MTDH: variants seen among roughly 807,000 people sequenced by gnomAD.
MTDH encodes metadherin.
In MTDH, 34 loss-of-function variants were observed where a neutral mutation model predicts 72.7. The observed-to-expected ratio is 0.47, with a 90% CI of 0.36 to 0.62. MTDH has a LOEUF of 0.62. Among genes scored for constraint, MTDH ranks in the 20% least tolerant of loss-of-function variants. The pLI is 0.00. For synonymous variants in MTDH, 266 were observed against 268.9 expected (o/e 0.99, Z 0.10); for missense variants, 677 against 699.4 (o/e 0.97, Z 0.36).
chr8:97,708,443 A>G (rs1814460391), intron 8 of MTDH, among the ~76,000 whole-genome samples: 2 of 138,416 alleles, frequency 1.4e-5, no homozygotes, highest in East Asian at 2.1e-4. Context: ...CACCATGCCC[A>G]GCTAATTTTT....
At chr8:97,686,399 C>T (rs1020604218) in intron 2 of MTDH, among the ~76,000 whole-genome samples, 1 of 152,094 alleles carries the variant, frequency 6.6e-6, no homozygotes. Flanking sequence ...TTCATTTCCT[C>T]ATCTCTAAAA....
At chr8:97,652,285 G>A (rs923650345) in intron 1 of MTDH, among the ~76,000 whole-genome samples, 1 of 152,096 alleles carries the variant, frequency 6.6e-6, no homozygotes, top group African/African-American at 2.4e-5. Flanking sequence ...GTCATTTGCT[G>A]TTCAGTTCTT....
intron 2 of MTDH, among the ~76,000 whole-genome samples, chr8:97,663,343 T>G (rs1812247228): frequency 6.6e-6 from 1 of 152,194 alleles, no homozygotes; most frequent in South Asian, 2.1e-4. Context: ...TTTACTTACT[T>G]AAGTATAATA....
intron 1 of MTDH, among the ~76,000 whole-genome samples, chr8:97,648,776 T>C (rs1811657997): frequency 1.3e-5 from 2 of 152,270 alleles, no homozygotes; most frequent in South Asian, 2.1e-4. Context: ...TAGTGTTTCC[T>C]TTTGTTTGCT....
chr8:97,659,412 A>C (rs1812097629), intron 1 of MTDH, among the ~76,000 whole-genome samples: 2 of 152,208 alleles, frequency 1.3e-5, no homozygotes, highest in Non-Finnish European at 2.9e-5. Flanking sequence ...TGACTTTAAC[A>C]AGTTGCTTCA....
At chr8:97,710,233 A>G (rs1814565967) in intron 8 of MTDH, among the ~76,000 whole-genome samples, 1 of 152,186 alleles carries the variant, frequency 6.6e-6, no homozygotes, top group Non-Finnish European at 1.5e-5. Flanking sequence ...GAGACCACCA[A>G]AATCATTATA....
chr8:97,647,941 C>G (rs1485178974), intron 1 of MTDH, among the ~76,000 whole-genome samples: 1 of 148,770 alleles, frequency 6.7e-6, no homozygotes, highest in Non-Finnish European at 1.5e-5. Flanking sequence ...AAGACTCTGT[C>G]TCCTAAAAGA....
intron 2 of MTDH, among the ~76,000 whole-genome samples, chr8:97,663,316 A>T (rs1337370197): frequency 6.6e-6 from 1 of 152,146 alleles, no homozygotes. Flanking sequence ...GGTGGGAAAT[A>T]ATTATAATAG....
At chr8:97,652,468 CA>C (rs1466633420) in intron 1 of MTDH, among the ~76,000 whole-genome samples, 1 of 152,210 alleles carries the variant, frequency 6.6e-6, no homozygotes, top group Admixed American at 6.5e-5. Flanking sequence ...TTTTCTGTCT[CA>C]ACCCCTTAGA....
intron 11 of MTDH, among the ~76,000 whole-genome samples, 188 bp downstream of exon 11, chr8:97,723,223 C>A (rs1217838899): frequency 2.6e-5 from 4 of 150,992 alleles, no homozygotes; most frequent in Non-Finnish European, 5.9e-5. Flanking sequence ...ATGGTGAAAC[C>A]CCGTCTCTAC....
intron 2 of MTDH, among the ~76,000 whole-genome samples, chr8:97,676,197 C>G (rs1311022351): frequency 2.0e-5 from 3 of 152,170 alleles, no homozygotes; most frequent in Non-Finnish European, 4.4e-5. Context: ...ACCTCTGTCT[C>G]CCAAAGTGCT....
At chr8:97,696,300 G>A in intron 6 of MTDH, 2 of 984,134 alleles carry the variant, frequency 2.0e-6, no homozygotes, top group Non-Finnish European at 2.4e-6. Context: ...TCTGGTATGT[G>A]AAAAACAGTC....
At chr8:97,705,373 A>G (rs935623800) in intron 7 of MTDH, among the ~76,000 whole-genome samples, 10 of 151,852 alleles carry the variant, frequency 6.6e-5, no homozygotes, top group African/African-American at 2.4e-4. Context: ...AGGCTGAGTC[A>G]GGCAGATCAC....
intron 2 of MTDH, among the ~76,000 whole-genome samples, chr8:97,676,312 AATG>A (rs1797360973): frequency 6.6e-6 from 1 of 152,150 alleles, no homozygotes; most frequent in Non-Finnish European, 1.5e-5. Context: ...AAAGTATCTT[AATG>A]ATAAGAATAG....
intron 2 of MTDH, among the ~76,000 whole-genome samples, chr8:97,669,715 G>A (rs1330705562): frequency 1.3e-5 from 2 of 151,746 alleles, no homozygotes; most frequent in Non-Finnish European, 2.9e-5. Flanking sequence ...TCAGGAGTTC[G>A]AGACCAGCCT....
rs1815326565 is a variant in MTDH at position 97,725,760 on chromosome 8, G to A, written c.*1090G>A. 1 of 152,542 alleles carries A rather than the reference G, an allele frequency of 6.6e-6. No individual in the cohort carries two copies. Among genetic ancestry groups the A allele is most frequent in the Admixed American group, 6.6e-5 (1 of 15,236 alleles). The allele number at this position is 152,542 out of a possible 1,614,324, so 9.4% of individuals were successfully genotyped here. ...TGTGGTCAAATAAGGAACGTTTCCT[G>A]CTTGAAATTATATTGATTTAAATGA... is the stretch of plus-strand genomic sequence containing the variant. On this transcript the variant is annotated 3_prime_UTR_variant, in exon 12 of 12. Transcript: ENST00000336273.
Position 97,721,876 on chromosome 8 carries a change from C to T in MTDH, c.1522-1003C>T, listed in dbSNP as rs138681725. Among the ~76,000 whole-genome samples the T allele has an allele frequency of 3.7e-3, 562 of 152,288 alleles. 4 individuals are homozygous for T. The highest frequency in any genetic ancestry group is 7.3e-3 in the South Asian group (35 of 4,822). The stretch of plus-strand genomic sequence containing the variant: ...TGGATAAAACACTGAAAATTTGTAC[C>T]TGAGTGTTACCAGTTGCTTGAGTCA... On this transcript the variant is annotated intron_variant, in intron 10 of 11. Coordinates refer to ENST00000336273, the MANE Select transcript of MTDH (RefSeq NM_178812.4).
chr8:97,653,074 G>A (rs906476144), intron 1 of MTDH, among the ~76,000 whole-genome samples: 5 of 150,526 alleles, frequency 3.3e-5, no homozygotes, highest in African/African-American at 1.2e-4. Flanking sequence ...AGCCGAGATC[G>A]CACCACTGTA....
intron 7 of MTDH, among the ~76,000 whole-genome samples, chr8:97,704,015 TACTG>T (rs1020802336): frequency 2.0e-5 from 3 of 152,240 alleles, no homozygotes; most frequent in Admixed American, 6.5e-5. Context: ...TACTATGTAA[TACTG>T]ACTCCAGATA....
Sources: gnomAD v4.1 joint callset for allele counts (sites outside exome capture counted in the v4.1 genomes callset) on GRCh38, gnomAD v4.1.1 for gene constraint, MANE v1.5 for transcripts, NCBI Gene and HGNC (gene_info 2026-07-23, HGNC 2026-07-21) for gene names.